NUFIP2: variants seen among roughly 807,000 people sequenced by gnomAD.
The protein encoded by NUFIP2 is FMR1-interacting protein NUFIP2.
Under a neutral mutation model 56.9 loss-of-function variants are expected in NUFIP2, and 6 were observed. That is an observed-to-expected ratio of 0.11 (90% confidence interval 0.06 to 0.21). The LOEUF (loss-of-function observed/expected upper bound fraction) is 0.21. Among genes scored for constraint, NUFIP2 ranks in the 10% least tolerant of loss-of-function variants. The pLI, the probability that NUFIP2 is intolerant of heterozygous loss-of-function variation, is 1.00. For missense variants in NUFIP2, 828 were observed against 826.8 expected (o/e 1.00, Z -0.02); for synonymous variants, 321 against 298.2 (o/e 1.08, Z -0.79).
At chr17:29,277,358 T>C (rs1187670726) in intron 2 of NUFIP2, among the ~76,000 whole-genome samples, 3 of 152,108 alleles carry the variant, frequency 2.0e-5, no homozygotes, top group African/African-American at 7.2e-5. Flanking sequence ...CTAAATTAAA[T>C]GGCTCCACCA....
chr17:29,280,244 A>C (rs10491211), intron 2 of NUFIP2, among the ~76,000 whole-genome samples: 88 of 152,230 alleles, frequency 5.8e-4, no homozygotes, highest in Non-Finnish European at 1.1e-3. Flanking sequence ...CACACAACTC[A>C]TATCAATTAT....
intron 1 of NUFIP2, among the ~76,000 whole-genome samples, chr17:29,289,315 G>T (rs758174881): frequency 6.6e-6 from 1 of 152,052 alleles, no homozygotes; most frequent in African/African-American, 2.4e-5. Context: ...TATACAGGCC[G>T]GGTGCAGTGG....
At chr17:29,293,640 A>G in intron 1 of NUFIP2, 143 bp downstream of exon 1, 1 of 882,794 alleles carries the variant, frequency 1.1e-6, no homozygotes, top group Non-Finnish European at 1.6e-6. Context: ...CGAGCTCTAG[A>G]ATGAAAGGGG....
Position 29,278,455 on chromosome 17 carries a change from C to T in NUFIP2, c.2002+7537G>A, listed in dbSNP as rs1050640882. Among the ~76,000 whole-genome samples, 10 of 151,934 alleles carry T rather than the reference C, an allele frequency of 6.6e-5. 1 individual carries two copies. The South Asian group carries it at 2.1e-3, about 32-fold the overall frequency. The stretch of plus-strand genomic sequence containing the variant: ...TAGAGACGGGGTTTCACCGTGTTAG[C>T]CAGGATGGTCTCGATCTCCTGACCT... On this transcript the variant is annotated intron_variant, in intron 2 of 3. Transcript: ENST00000225388.
chr17:29,284,992 G>C (rs987930895), intron 2 of NUFIP2, among the ~76,000 whole-genome samples: 1 of 151,948 alleles, frequency 6.6e-6, no homozygotes, highest in African/African-American at 2.4e-5. Flanking sequence ...CACTATTAAA[G>C]ACGCATATGA....
chr17:29,279,807 C>A (rs1200241293), intron 2 of NUFIP2, among the ~76,000 whole-genome samples: 1 of 152,082 alleles, frequency 6.6e-6, no homozygotes, highest in African/African-American at 2.4e-5. Flanking sequence ...GCCACAGTAC[C>A]CAGACTATTT....
chr17:29,292,602 C>T (rs1424757686), intron 1 of NUFIP2, among the ~76,000 whole-genome samples: 1 of 150,440 alleles, frequency 6.6e-6, no homozygotes, highest in Admixed American at 6.6e-5. Flanking sequence ...TGAATCCCCC[C>T]GCCGCCCCCC....
intron 2 of NUFIP2, among the ~76,000 whole-genome samples, chr17:29,276,285 AAT>A (rs1201896157): frequency 2.0e-5 from 3 of 152,142 alleles, no homozygotes; most frequent in African/African-American, 7.2e-5. Context: ...CACCTAAAGT[AAT>A]CTTACTCTCC....
chr17:29,268,699 A>G (rs116031258), intron 2 of NUFIP2, among the ~76,000 whole-genome samples: 1,974 of 150,186 alleles, frequency 0.013, 42 homozygotes, highest in African/African-American at 0.044. Context: ...GTATATATAT[A>G]TTTTTTTTTA....
chr17:29,271,556 T>G (rs534212235), intron 2 of NUFIP2, among the ~76,000 whole-genome samples: 107 of 150,286 alleles, frequency 7.1e-4, no homozygotes, highest in Non-Finnish European at 1.3e-3. Flanking sequence ...AAAAGAAAAG[T>G]AAAGAAAGAA....
chr17:29,289,916 A>T (rs1314829189), intron 1 of NUFIP2, among the ~76,000 whole-genome samples: 2 of 152,176 alleles, frequency 1.3e-5, no homozygotes, highest in Admixed American at 6.5e-5. Flanking sequence ...AATACATCTT[A>T]TAACAGTTAT....
intron 1 of NUFIP2, among the ~76,000 whole-genome samples, chr17:29,292,924 GCA>G: frequency 7.6e-6 from 1 of 131,844 alleles, no homozygotes; most frequent in Non-Finnish European, 1.6e-5. Flanking sequence ...CGGCGCCCCC[GCA>G]GTGCAGGGGG....
intron 2 of NUFIP2, among the ~76,000 whole-genome samples, chr17:29,273,287 C>CT (rs1252173084): frequency 6.6e-6 from 1 of 152,186 alleles, no homozygotes; most frequent in Non-Finnish European, 1.5e-5. Flanking sequence ...ATCCACCCGC[C>CT]TCGGCCTCCC....
intron 1 of NUFIP2, among the ~76,000 whole-genome samples, chr17:29,292,904 CGGGGGGCGCCGGCGCCCCCGCAGTGCA>C (rs1474465865): frequency 9.6e-5 from 13 of 134,840 alleles, no homozygotes; most frequent in Admixed American, 3.7e-4. Flanking sequence ...GGCCGCGGTG[CGGGGGGCGCCGGCGCCCCCGCAGTGCA>C]GGGGGCGAGG....
At chr17:29,266,556 A>C (rs142082149) in intron 3 of NUFIP2, among the ~76,000 whole-genome samples, 1,597 of 152,114 alleles carry the variant, frequency 0.01, 21 homozygotes, top group Middle Eastern at 0.037. Context: ...GGAATTGTAT[A>C]CTATTCAATT....
rs1385079911 is a variant in NUFIP2 at position 29,258,385 on chromosome 17, T to C, written c.*6154A>G. On this transcript the variant is annotated 3_prime_UTR_variant, in exon 4 of 4. Coordinates refer to ENST00000225388, the MANE Select transcript of NUFIP2 (RefSeq NM_020772.3). ...AGAAACAGCTGGAGTTTTGATTGAT[T>C]TGATTTAAACTAAATCTGATTGGTT... 3 of 152,192 alleles carry C rather than the reference T, an allele frequency of 2.0e-5. No homozygotes were observed. Among genetic ancestry groups the C allele is most frequent in the East Asian group, 1.9e-4 (1 of 5,196 alleles). 9.4% of individuals were successfully genotyped at this position (152,192 alleles called of 1,614,324 possible).
At chr17:29,281,358 G>A (rs561600734) in intron 2 of NUFIP2, among the ~76,000 whole-genome samples, 6 of 151,782 alleles carry the variant, frequency 4.0e-5, no homozygotes, top group East Asian at 1.9e-4. Context: ...TGGGCATTGC[G>A]GTGCACACCT....
In NUFIP2 at chr17:29,294,112, A is replaced by T. The variant is rs2069237974; in HGVS notation, c.-53T>A. The T allele has an allele frequency of 6.5e-7, 1 of 1,542,428 alleles. No individual in the cohort carries two copies. Among genetic ancestry groups the T allele is most frequent in the Non-Finnish European group, 8.7e-7 (1 of 1,144,296 alleles). On this transcript the variant is annotated 5_prime_UTR_variant, in exon 1 of 4. Coordinates refer to ENST00000225388, the MANE Select transcript of NUFIP2 (RefSeq NM_020772.3). The stretch of plus-strand genomic sequence containing the variant: ...GGCTGCGGGCTGCTGCACCGTCAGG[A>T]TCTGAGACTGCTTCTCAGGGCTCAC...
At chr17:29,283,951 T>C (rs962236086) in intron 2 of NUFIP2, among the ~76,000 whole-genome samples, 1 of 152,160 alleles carries the variant, frequency 6.6e-6, no homozygotes, top group Admixed American at 6.5e-5. Flanking sequence ...GGAAGTAAAA[T>C]GATATTAAAA....
Sources: allele counts gnomAD v4.1 joint callset (sites outside exome capture counted in the v4.1 genomes callset), GRCh38; gene constraint gnomAD v4.1.1; transcripts MANE v1.5; gene names NCBI Gene and HGNC (gene_info 2026-07-23, HGNC 2026-07-21).